Variants in ARMH1 observed in about 807,000 individuals in gnomAD.
ARMH1 encodes the protein armadillo like helical domain containing 1.
In ARMH1, 34 loss-of-function variants were observed where a neutral mutation model predicts 50.2. The ratio of observed to expected loss-of-function variants is 0.68; its 90% CI spans 0.51 to 0.90. The LOEUF is 0.90. Ranked by LOEUF, ARMH1 falls within the 40% of genes least tolerant of loss-of-function variation. The pLI, the probability that ARMH1 is intolerant of heterozygous loss-of-function variation, is 0.00. For synonymous variants in ARMH1, 221 were observed against 224.2 expected (o/e 0.99, Z 0.13); for missense variants, 538 against 553.9 (o/e 0.97, Z 0.29).
intron 2 of ARMH1, among the ~76,000 whole-genome samples, chr1:44,690,588 T>G (rs1401437501): frequency 6.6e-6 from 1 of 152,204 alleles, no homozygotes; most frequent in East Asian, 1.9e-4. Flanking sequence ...TATGCTGAAA[T>G]CTCTTCTACT....
chr1:44,719,569 C>T (rs563717564), intron 6 of ARMH1, among the ~76,000 whole-genome samples: 23 of 152,344 alleles, frequency 1.5e-4, no homozygotes, highest in African/African-American at 5.3e-4. Context: ...CCTTCCCAGA[C>T]CACTGCTCTT....
chr1:44,692,269 A>G (rs530352556), intron 2 of ARMH1, among the ~76,000 whole-genome samples: 38 of 152,106 alleles, frequency 2.5e-4, no homozygotes, highest in African/African-American at 8.2e-4. Flanking sequence ...AAAATAAATA[A>G]ACCCCCTCCT....
At chr1:44,702,837 G>A (rs1573387969) in intron 5 of ARMH1, among the ~76,000 whole-genome samples, 1 of 152,124 alleles carries the variant, frequency 6.6e-6, no homozygotes, top group Non-Finnish European at 1.5e-5. Context: ...GCTGGGGTCA[G>A]ATGCAACAAA....
At chr1:44,720,612 C>T (rs573035920) in intron 6 of ARMH1, among the ~76,000 whole-genome samples, 17 of 152,250 alleles carry the variant, frequency 1.1e-4, no homozygotes, top group African/African-American at 3.4e-4. Flanking sequence ...TACGGTGCTA[C>T]GGGTTCAGAG....
intron 6 of ARMH1, among the ~76,000 whole-genome samples, 163 bp downstream of exon 6, chr1:44,704,336 G>A (rs910113100): frequency 3.3e-5 from 5 of 152,106 alleles, no homozygotes; most frequent in Admixed American, 1.3e-4. Flanking sequence ...TATGCCTTGC[G>A]TCAACCACAG....
chr1:44,677,023 G>A (rs1458952058), intron 1 of ARMH1, among the ~76,000 whole-genome samples: 3 of 152,184 alleles, frequency 2.0e-5, no homozygotes, highest in South Asian at 2.1e-4. Flanking sequence ...GAAGCATTAC[G>A]TTGAGGTTAA....
chr1:44,705,934 A>C lies in ARMH1; in HGVS notation c.724+1761A>C, dbSNP rs186133330. On this transcript the variant is annotated intron_variant, in intron 6 of 11. Transcript: ENST00000535358. ...TCTGGAAAGGGGAATGGTAGAAAGG[A>C]AGGCAGACAGGGAAGTACAAGGTGT... Among the ~76,000 whole-genome samples the C allele has an allele frequency of 1.7e-3, 253 of 152,292 alleles. 2 individuals carry two copies. The highest frequency in any genetic ancestry group is 3.5e-3 in the Admixed American group (54 of 15,286).
In ARMH1 at chr1:44,724,625, C is replaced by T; in HGVS notation, c.1007C>T (p.Thr336Met). ...VRGLMAAMGN[T>M]DHSNSQRLAS... ...GGCCTAATGGCCGCCATGGGCAACA[C>T]GGACCACAGCAACAGCCAGCGGCTG... is the stretch of plus-strand genomic sequence containing the variant. The change falls in exon 9 of 12, where the codon ACG (threonine) becomes ATG (methionine). Residue 336 changes from threonine (T) to methionine (M), a missense_variant. Transcript: ENST00000535358. This position sits in a 1 kb window ranked among gnomAD's most constrained non-coding sequence, Gnocchi z 6.4. 2.6e-6 allele frequency: 4 copies of T among 1,509,676 alleles called. No homozygotes were observed. The highest frequency in any genetic ancestry group is 2.5e-5 in the South Asian group (2 of 81,150). 93.5% of individuals were successfully genotyped at this position (1,509,676 alleles called of 1,614,324 possible). A position where few individuals can be genotyped will look rare whatever the true frequency, so the allele number is the denominator to read the frequency against.
rs976208017 is a variant in ARMH1 at position 44,724,690 on chromosome 1, G to A, written c.1050+22G>A. ...GGAGGTGCGCGCGGCGGCTGGTTAG[G>A]GGGCGGGAAGGGCGGCGGCACCCGC... is the stretch of plus-strand genomic sequence containing the variant. On this transcript the variant is annotated intron_variant, in intron 9 of 11. Coordinates refer to ENST00000535358, the MANE Select transcript of ARMH1 (RefSeq NM_001145636.2). This position sits in a 1 kb window ranked among gnomAD's most constrained non-coding sequence, Gnocchi z 6.4. 2 of 1,480,126 alleles carry A rather than the reference G, an allele frequency of 1.4e-6. No individual in the cohort carries two copies. Among genetic ancestry groups the A allele is most frequent in the African/African-American group, 1.5e-5 (1 of 68,050 alleles). 91.7% of individuals were successfully genotyped at this position (1,480,126 alleles called of 1,614,324 possible).
intron 6 of ARMH1, among the ~76,000 whole-genome samples, chr1:44,721,544 C>T (rs1453449647): frequency 2.0e-5 from 3 of 152,144 alleles, no homozygotes; most frequent in East Asian, 1.9e-4. Context: ...CATTTAGCTT[C>T]CTAAATGTTT....
intron 4 of ARMH1, 83 bp downstream of exon 4, chr1:44,698,312 C>T: frequency 7.9e-7 from 1 of 1,259,408 alleles, no homozygotes; most frequent in East Asian, 2.7e-5. Flanking sequence ...ATAGGAAAAA[C>T]ACATCATGAA....
rs542074950 is a variant in ARMH1 at position 44,713,001 on chromosome 1, C to T, written c.724+8828C>T. Among the ~76,000 whole-genome samples, 172 of 149,740 alleles carry T rather than the reference C, an allele frequency of 1.1e-3. 3 individuals carry two copies. Among genetic ancestry groups the T allele is most frequent in the African/African-American group, 3.9e-3 (158 of 40,670 alleles). ...AAACTAGTGTTTTTGCCTTACAGAA[C>T]GTTATGCCTTTGCTTTGCACTTTTT... On this transcript the variant is annotated intron_variant, in intron 6 of 11. Coordinates refer to ENST00000535358, the MANE Select transcript of ARMH1 (RefSeq NM_001145636.2).
intron 6 of ARMH1, among the ~76,000 whole-genome samples, chr1:44,715,526 G>A (rs1646815150): frequency 6.6e-6 from 1 of 152,152 alleles, no homozygotes; most frequent in African/African-American, 2.4e-5. Flanking sequence ...CCATTAAAGA[G>A]TTTCCATGGA....
At chr1:44,677,097 TAAG>T (rs1645163511) in intron 1 of ARMH1, among the ~76,000 whole-genome samples, 1 of 152,148 alleles carries the variant, frequency 6.6e-6, no homozygotes, top group Non-Finnish European at 1.5e-5. Flanking sequence ...CTCTGTCAAA[TAAG>T]AACATTATAT....
At chr1:44,709,939 A>T (rs1238188745) in intron 6 of ARMH1, among the ~76,000 whole-genome samples, 1 of 152,200 alleles carries the variant, frequency 6.6e-6, no homozygotes, top group Non-Finnish European at 1.5e-5. Context: ...TTTGTAGAAT[A>T]CAATTTTTGT....
At chr1:44,692,898 C>T (rs1645704244) in intron 2 of ARMH1, 1 of 151,862 alleles carries the variant, frequency 6.6e-6, no homozygotes, top group Non-Finnish European at 1.5e-5. Context: ...CCACACTCAG[C>T]TAATTTTTCT....
intron 1 of ARMH1, among the ~76,000 whole-genome samples, chr1:44,679,343 A>G (rs1042131569): frequency 4.6e-5 from 7 of 152,240 alleles, no homozygotes; most frequent in Non-Finnish European, 7.3e-5. Flanking sequence ...TGCATGCTGC[A>G]TGCCATGATC....
At chr1:44,679,674 C>T (rs1325036200) in intron 1 of ARMH1, among the ~76,000 whole-genome samples, 1 of 152,216 alleles carries the variant, frequency 6.6e-6, no homozygotes. Flanking sequence ...TAAAACACCT[C>T]GTAGACTTTG....
intron 1 of ARMH1, among the ~76,000 whole-genome samples, chr1:44,685,324 T>C (rs1190119987): frequency 1.3e-5 from 2 of 151,938 alleles, no homozygotes; most frequent in Non-Finnish European, 2.9e-5. Context: ...TTTTTTTTTT[T>C]TCGAGACAGG....
Sources: gnomAD v4.1 joint callset for allele counts (sites outside exome capture counted in the v4.1 genomes callset) on GRCh38, gnomAD v4.1.1 for gene constraint, Gnocchi (gnomAD v3.1) non-coding constraint, MANE v1.5 for transcripts, NCBI Gene and HGNC (gene_info 2026-07-23, HGNC 2026-07-21) for gene names.